Variants in CAB39L observed in about 807,000 individuals in gnomAD.
The protein encoded by CAB39L is calcium binding protein 39 like, also known as calcium-binding protein 39-like.
In CAB39L, 23 loss-of-function variants were observed where a neutral mutation model predicts 39.1. The ratio of observed to expected loss-of-function variants is 0.59; its 90% CI spans 0.42 to 0.83. The LOEUF is 0.83. Among genes scored for constraint, CAB39L ranks in the 40% least tolerant of loss-of-function variants. CAB39L has a pLI of 0.00. For missense variants in CAB39L, 366 were observed against 391.9 expected, an observed-to-expected ratio of 0.93 and a Z score of 0.56; for synonymous variants, 126 against 137.2, an observed-to-expected ratio of 0.92 and a Z score of 0.57.
intron 3 of CAB39L, among the ~76,000 whole-genome samples, chr13:49,423,679 C>G (rs957227830): frequency 6.6e-6 from 1 of 152,060 alleles, no homozygotes; most frequent in Non-Finnish European, 1.5e-5. Context: ...AACAAGTAAG[C>G]AACTCTCTTC....
chr13:49,328,598 A>T (rs946622025), intron 10 of CAB39L, among the ~76,000 whole-genome samples: 3 of 152,120 alleles, frequency 2.0e-5, no homozygotes, highest in African/African-American at 7.2e-5. Context: ...ATAGAGGCCA[A>T]GGCAGGAGGA....
chr13:49,381,082 C>T (rs1054114074), intron 4 of CAB39L, among the ~76,000 whole-genome samples: 6 of 152,074 alleles, frequency 3.9e-5, no homozygotes, highest in African/African-American at 1.2e-4. Flanking sequence ...CACCCACCAC[C>T]GTGCCTGGCT....
intron 6 of CAB39L, among the ~76,000 whole-genome samples, chr13:49,353,237 G>A (rs935389041): frequency 4.6e-5 from 7 of 152,272 alleles, no homozygotes; most frequent in Admixed American, 6.5e-5. Flanking sequence ...CAGCCTATTG[G>A]CTCACAAGGA....
chr13:49,355,359 G>C (rs1955457093), intron 6 of CAB39L, among the ~76,000 whole-genome samples: 1 of 152,050 alleles, frequency 6.6e-6, no homozygotes, highest in South Asian at 2.1e-4. Flanking sequence ...TCTAGTATGG[G>C]CAACAAAGCA....
At chr13:49,384,749 C>T (rs1186810215) in intron 3 of CAB39L, among the ~76,000 whole-genome samples, 2 of 152,138 alleles carry the variant, frequency 1.3e-5, no homozygotes, top group Non-Finnish European at 2.9e-5. Context: ...TGTAAACCTC[C>T]ATCAGAGCTC....
chr13:49,337,133 C>T (rs1954871532), intron 9 of CAB39L, among the ~76,000 whole-genome samples: 1 of 152,128 alleles, frequency 6.6e-6, no homozygotes, highest in Admixed American at 6.5e-5. Flanking sequence ...AAATGTGATA[C>T]AAAACAGATT....
intron 10 of CAB39L, among the ~76,000 whole-genome samples, chr13:49,316,702 T>G (rs145801443): frequency 1.6e-4 from 25 of 152,312 alleles, no homozygotes; most frequent in African/African-American, 5.5e-4. Flanking sequence ...ACATCACATG[T>G]ACTGGGTTAA....
At chr13:49,356,538 T>A (rs1312459682) in intron 6 of CAB39L, among the ~76,000 whole-genome samples, 1 of 152,248 alleles carries the variant, frequency 6.6e-6, no homozygotes, top group Non-Finnish European at 1.5e-5. Flanking sequence ...CATATCCAGA[T>A]AATTCTCTTT....
At chr13:49,318,418 G>GATCACACCACTGC (rs74218306) in intron 10 of CAB39L, among the ~76,000 whole-genome samples, 324 of 510 alleles carry the variant, frequency 0.64, 158 homozygotes, top group South Asian at 0.89. Context: ...AGTGAGCTGT[G>GATCACACCACTGC]ATTCCAGCCC....
At chr13:49,403,397 A>T (rs1956813495) in intron 3 of CAB39L, among the ~76,000 whole-genome samples, 1 of 152,100 alleles carries the variant, frequency 6.6e-6, no homozygotes. Flanking sequence ...TAAATTTTTT[A>T]AAATCTAGCA....
rs748504090 is a variant in CAB39L at position 49,331,985 on chromosome 13, T to A, written c.796A>T (p.Ser266Cys). Reference protein sequence around the residue: ...KLMMNLLRDKSPNIQFEAFHV... With the variant: ...KLMMNLLRDKCPNIQFEAFHV... ...AAGGCTTCAAACTGGATGTTGGGAC[T>A]TTTATCCCGAAGGAGGTTCATCATG... is the stretch of plus-strand genomic sequence containing the variant. Residue 266 changes from serine to cysteine, a missense_variant, in exon 10 of 11, where the codon AGT becomes TGT. Coordinates refer to ENST00000409308, the MANE Select transcript of CAB39L (RefSeq NM_001079670.3). 4 of 1,614,132 alleles carry A rather than the reference T, an allele frequency of 2.5e-6. No individual in the cohort carries two copies. The highest frequency in any genetic ancestry group is 2.5e-6 in the Non-Finnish European group (3 of 1,179,986).
chr13:49,442,316 T>C (rs1405667061), intron 1 of CAB39L, among the ~76,000 whole-genome samples: 1 of 152,192 alleles, frequency 6.6e-6, no homozygotes, highest in Non-Finnish European at 1.5e-5. Flanking sequence ...TTATTTCCAA[T>C]TTTTCACAAG....
intron 6 of CAB39L, among the ~76,000 whole-genome samples, chr13:49,354,673 T>C (rs1955441774): frequency 6.6e-6 from 1 of 152,210 alleles, no homozygotes; most frequent in Non-Finnish European, 1.5e-5. Context: ...AATCTTATCT[T>C]CCCTCTTGAT....
intron 3 of CAB39L, among the ~76,000 whole-genome samples, chr13:49,394,562 T>C (rs998541999): frequency 1.3e-5 from 2 of 152,098 alleles, no homozygotes; most frequent in Non-Finnish European, 2.9e-5. Context: ...AAATAAAGGA[T>C]TATCTTTACA....
intron 5 of CAB39L, among the ~76,000 whole-genome samples, chr13:49,370,269 A>G (rs1566095979): frequency 6.6e-6 from 1 of 152,160 alleles, no homozygotes; most frequent in South Asian, 2.1e-4. Context: ...AAATTTAAAT[A>G]TATTAAATTT....
At chr13:49,412,429 T>C (rs1161206788) in intron 3 of CAB39L, among the ~76,000 whole-genome samples, 1 of 152,182 alleles carries the variant, frequency 6.6e-6, no homozygotes, top group Non-Finnish European at 1.5e-5. Context: ...AGCATTTTTT[T>C]CATTTTAAAT....
rs1279739671 is a variant in CAB39L, at chr13:49,433,298, G to C, written c.-32+20C>G. 1 of 434,392 alleles carries C rather than the reference G, an allele frequency of 2.3e-6. No homozygotes were observed. Among genetic ancestry groups the C allele is most frequent in the Non-Finnish European group, 4.5e-6 (1 of 220,918 alleles). The allele number at this position is 434,392 out of a possible 1,614,324, so 26.9% of individuals were successfully genotyped here. The stretch of plus-strand genomic sequence containing the variant: ...GTCGAGAGCACTTAAAATCTTGATT[G>C]AGTCATCATACTAGCTTACCTTAGA... On this transcript the variant is annotated intron_variant, in intron 3 of 10. Transcript: ENST00000409308.
rs868506930 is a variant in CAB39L at position 49,329,576 on chromosome 13, T to C, written c.834+2371A>G. On this transcript the variant is annotated intron_variant, in intron 10 of 10. Coordinates refer to ENST00000409308, the MANE Select transcript of CAB39L (RefSeq NM_001079670.3). ...ATATATATATATATATATATATATA[T>C]ATATATATATATATATATATAATGA... Among the ~76,000 whole-genome samples, 270 of 107,444 alleles carry C rather than the reference T, an allele frequency of 2.5e-3. 22 individuals are homozygous for C. Among genetic ancestry groups the C allele is most frequent in the African/African-American group, 9.6e-3 (256 of 26,690 alleles). The allele number at this position is 107,444 out of a possible 152,430, so 70.5% of individuals were successfully genotyped here.
chr13:49,408,085 CAGT>C lies in CAB39L; in HGVS notation c.-31-25147_-31-25145del, dbSNP rs538580437. On this transcript the variant is annotated intron_variant, in intron 3 of 10. Coordinates refer to ENST00000409308, the MANE Select transcript of CAB39L (RefSeq NM_001079670.3). ...GCAGAAGAATCAAAGGGCAAAGAAACAGTAGGTGATGAAATTAAAGGTAACTCA... is the reference window on the plus strand; with the variant it reads ...GCAGAAGAATCAAAGGGCAAAGAAACAGGTGATGAAATTAAAGGTAACTCA... Among the ~76,000 whole-genome samples, 4 of 152,154 alleles carry C rather than the reference CAGT, an allele frequency of 2.6e-5. No homozygotes were observed. In the South Asian group the frequency reaches 8.3e-4, roughly 32 times the overall value.
Sources: gnomAD v4.1 joint callset for allele counts (sites outside exome capture counted in the v4.1 genomes callset) on GRCh38, gnomAD v4.1.1 for gene constraint, MANE v1.5 for transcripts, NCBI Gene and HGNC (gene_info 2026-07-23, HGNC 2026-07-21) for gene names.